The following SPAG16 variants were observed in gnomAD, a reference collection of about 807,000 sequenced individuals.
The protein encoded by SPAG16 is sperm associated antigen 16.
In SPAG16, 86 loss-of-function variants were observed where a neutral mutation model predicts 80.4. The observed-to-expected ratio is 1.07, with a 90% CI of 0.90 to 1.28. The LOEUF (loss-of-function observed/expected upper bound fraction) is 1.28. Among genes scored for constraint, SPAG16 ranks in the 50% most tolerant of loss-of-function variants. The pLI, the probability that SPAG16 is intolerant of heterozygous loss-of-function variation, is 0.00. For missense variants in SPAG16, 870 were observed against 765.3 expected, an observed-to-expected ratio of 1.14 and a Z score of -1.61; for synonymous variants, 294 against 265.9, an observed-to-expected ratio of 1.11 and a Z score of -1.03.
chr2:214,074,991 GTAAA>G (rs1293291641), intron 13 of SPAG16, among the ~76,000 whole-genome samples: 1 of 152,070 alleles, frequency 6.6e-6, no homozygotes, highest in Non-Finnish European at 1.5e-5. Flanking sequence ...AGTAGAGTCA[GTAAA>G]TAAATGGCAT....
intron 11 of SPAG16, among the ~76,000 whole-genome samples, chr2:213,873,181 C>T (rs999220146): frequency 2.0e-5 from 3 of 151,856 alleles, no homozygotes; most frequent in African/African-American, 7.2e-5. Flanking sequence ...GTGAAGCCAT[C>T]TGGTCTTGGG....
At chr2:214,391,056 C>T (rs531627822) in intron 15 of SPAG16, among the ~76,000 whole-genome samples, 6 of 152,284 alleles carry the variant, frequency 3.9e-5, no homozygotes, top group African/African-American at 1.4e-4. Context: ...ACTATTACTA[C>T]ACCAGAGATC....
chr2:213,987,727 G>A (rs1011707309), intron 12 of SPAG16, among the ~76,000 whole-genome samples: 2 of 150,952 alleles, frequency 1.3e-5, no homozygotes, highest in Non-Finnish European at 3.0e-5. Context: ...AGGTATGCAT[G>A]CCTTTAATTC....
At chr2:213,348,361 C>T (rs1025107855) in intron 6 of SPAG16, among the ~76,000 whole-genome samples, 1 of 152,076 alleles carries the variant, frequency 6.6e-6, no homozygotes, top group African/African-American at 2.4e-5. Context: ...TTAACGGGAG[C>T]ATTTAGCCCA....
At chr2:213,508,301 G>A (rs149151622) in intron 10 of SPAG16, among the ~76,000 whole-genome samples, 5,810 of 152,248 alleles carry the variant, frequency 0.038, 359 homozygotes, top group African/African-American at 0.13. Flanking sequence ...GGCTGGGCGC[G>A]GTGGCTCACG....
At chr2:214,376,043 A>G (rs578040833) in intron 15 of SPAG16, among the ~76,000 whole-genome samples, 53 of 152,158 alleles carry the variant, frequency 3.5e-4, no homozygotes, top group Non-Finnish European at 5.3e-4. Context: ...TTTTTAAAGC[A>G]GTAGCATATG....
chr2:213,561,803 G>A (rs2059605411), intron 10 of SPAG16, among the ~76,000 whole-genome samples: 5 of 151,908 alleles, frequency 3.3e-5, no homozygotes, highest in Admixed American at 3.3e-4. Context: ...TATAACTAAT[G>A]TACTCCAGCT....
intron 15 of SPAG16, among the ~76,000 whole-genome samples, chr2:214,165,137 T>C (rs1168087021): frequency 6.6e-6 from 1 of 152,110 alleles, no homozygotes; most frequent in South Asian, 2.1e-4. Context: ...GACATAAGTT[T>C]TATTAAATTA....
chr2:214,214,198 T>TTTTTTTTTTG (rs1164264413), intron 15 of SPAG16, among the ~76,000 whole-genome samples: 1 of 151,460 alleles, frequency 6.6e-6, no homozygotes, highest in Admixed American at 6.6e-5. Context: ...TTTTTTTTTT[T>TTTTTTTTTTG]GAGACAGAGT....
At chr2:214,102,182 C>A (rs2053093297) in intron 13 of SPAG16, among the ~76,000 whole-genome samples, 1 of 138,444 alleles carries the variant, frequency 7.2e-6, no homozygotes, top group Non-Finnish European at 1.5e-5. Context: ...CATTCAATAA[C>A]TGTATCGTAT....
chr2:214,240,820 G>T (rs186081680), intron 15 of SPAG16: 4 of 152,066 alleles, frequency 2.6e-5, no homozygotes, highest in Non-Finnish European at 5.9e-5. Context: ...TACATCCACA[G>T]TACATACATA....
intron 10 of SPAG16, among the ~76,000 whole-genome samples, chr2:213,842,394 G>GT (rs1194868878): frequency 6.6e-6 from 1 of 152,014 alleles, no homozygotes; most frequent in East Asian, 1.9e-4. Context: ...ACCAGGAGTA[G>GT]TAAGAAATAG....
intron 10 of SPAG16, among the ~76,000 whole-genome samples, chr2:213,680,781 G>T (rs527773518): frequency 6.6e-6 from 1 of 152,276 alleles, no homozygotes; most frequent in Admixed American, 6.5e-5. Flanking sequence ...TCAGGGTGCA[G>T]CTTGGTTTTA....
chr2:213,922,422 C>A (rs2106213139), intron 11 of SPAG16, among the ~76,000 whole-genome samples: 1 of 152,220 alleles, frequency 6.6e-6, no homozygotes, highest in South Asian at 2.1e-4. Flanking sequence ...CTATCAGCTC[C>A]TGTATCATTT....
At chr2:213,630,454 T>G (rs1038219363) in intron 10 of SPAG16, among the ~76,000 whole-genome samples, 1 of 152,158 alleles carries the variant, frequency 6.6e-6, no homozygotes, top group African/African-American at 2.4e-5. Context: ...TCATCATCAA[T>G]TATATCATGT....
chr2:213,446,615 C>T (rs1177701606), intron 9 of SPAG16, among the ~76,000 whole-genome samples: 1 of 152,168 alleles, frequency 6.6e-6, no homozygotes, highest in Non-Finnish European at 1.5e-5. Flanking sequence ...TCACCAGTTT[C>T]CCCTCAAACT....
At chr2:213,785,124 T>C (rs1575129766) in intron 10 of SPAG16, among the ~76,000 whole-genome samples, 2 of 152,250 alleles carry the variant, frequency 1.3e-5, no homozygotes, top group Admixed American at 6.5e-5. Context: ...TTACATGTCT[T>C]TCACCCACTC....
chr2:213,914,508 A>C (rs1469943181), intron 11 of SPAG16, among the ~76,000 whole-genome samples: 4 of 152,124 alleles, frequency 2.6e-5, no homozygotes, highest in Non-Finnish European at 5.9e-5. Flanking sequence ...TACGCTTTCT[A>C]ACCTCAAAAT....
rs530653348 is a variant in SPAG16, at chr2:214,395,674, T to G, written c.1721-14466T>G. Among the ~76,000 whole-genome samples, 21 of 152,158 alleles carry G rather than the reference T, an allele frequency of 1.4e-4. No individual in the cohort carries two copies. In the South Asian group the frequency reaches 4.4e-3, roughly 32 times the overall value. Reference sequence around the variant, plus strand: ...AGGTATTTTTTTCTGATCCTCTTCCTCCTCCCACCCTCCACCCTCAAGTAG... The same window carrying G: ...AGGTATTTTTTTCTGATCCTCTTCCGCCTCCCACCCTCCACCCTCAAGTAG... On this transcript the variant is annotated intron_variant, in intron 15 of 15. Transcript: ENST00000331683.
Sources: allele counts gnomAD v4.1 joint callset (sites outside exome capture counted in the v4.1 genomes callset), GRCh38; gene constraint gnomAD v4.1.1; transcripts MANE v1.5; gene names NCBI Gene and HGNC (gene_info 2026-07-23, HGNC 2026-07-21).